The following SHOC1 variants were observed in gnomAD, a reference collection of about 807,000 sequenced individuals.
The protein encoded by SHOC1 is shortage in chiasmata 1.
SHOC1 carries 136 observed loss-of-function variants against 179.2 expected under a neutral mutation model. The observed-to-expected ratio is 0.76, with a 90% CI of 0.66 to 0.87. The LOEUF is 0.87. Among genes scored for constraint, SHOC1 ranks in the 40% least tolerant of loss-of-function variants. SHOC1 has a pLI of 0.00. For missense variants in SHOC1, 1,538 were observed against 1,700.8 expected, an observed-to-expected ratio of 0.90 and a Z score of 1.68; for synonymous variants, 489 against 586.6, an observed-to-expected ratio of 0.83 and a Z score of 2.41.
intron 12 of SHOC1, among the ~76,000 whole-genome samples, chr9:111,731,542 T>A (rs12352855): frequency 0.18 from 27,815 of 152,084 alleles, 2,759 homozygotes; most frequent in Non-Finnish European, 0.22. Context: ...AACACACACA[T>A]TTATCAATTC....
intron 16 of SHOC1, among the ~76,000 whole-genome samples, chr9:111,715,655 C>T (rs1832751809): frequency 6.6e-6 from 1 of 152,158 alleles, no homozygotes; most frequent in South Asian, 2.1e-4. Flanking sequence ...TCAATCTAAC[C>T]ACATGGAACT....
intron 12 of SHOC1, among the ~76,000 whole-genome samples, chr9:111,732,228 T>C (rs1416119949): frequency 4.6e-5 from 7 of 152,130 alleles, no homozygotes; most frequent in African/African-American, 1.7e-4. Flanking sequence ...CTTTGTAATT[T>C]ATAAAAGTAA....
At chr9:111,759,372 T>G in intron 5 of SHOC1, 1 of 1,476,976 alleles carries the variant, frequency 6.8e-7, no homozygotes, top group South Asian at 1.5e-5. Context: ...GCTATAAAAT[T>G]ATTTACAGTG....
rs57810014 is a variant in SHOC1 at position 111,767,038 on chromosome 9, A to AT, written c.443-8191dup. Reference sequence around the variant, plus strand: ...ATATCTTTTGCCCATTTTTAATTGGATTTTTTTTTTTGCTATTCAGTTGTG... The same window carrying AT: ...ATATCTTTTGCCCATTTTTAATTGGATTTTTTTTTTTTGCTATTCAGTTGTG... On this transcript the variant is annotated intron_variant, in intron 5 of 27. Coordinates refer to ENST00000682961, the MANE Select transcript of SHOC1 (RefSeq NM_001378211.1). 5.7e-3 allele frequency among the ~76,000 whole-genome samples: 867 copies of AT among 150,800 alleles called. 7 individuals are homozygous for AT. The highest frequency in any genetic ancestry group is 0.02 in the African/African-American group (813 of 41,156).
intron 12 of SHOC1, among the ~76,000 whole-genome samples, chr9:111,731,744 T>C (rs1833578798): frequency 6.6e-6 from 1 of 152,188 alleles, no homozygotes; most frequent in Non-Finnish European, 1.5e-5. Context: ...TATAATGTAT[T>C]AAATCTATAA....
rs183289887 is a variant in SHOC1 at position 111,700,076 on chromosome 9, A to G, written c.3090-29T>C. 124 of 1,069,490 alleles carry G rather than the reference A, an allele frequency of 1.2e-4. No individual in the cohort carries two copies. The East Asian group carries it at 1.6e-3, about 14-fold the overall frequency. 66.3% of individuals were successfully genotyped at this position (1,069,490 alleles called of 1,614,324 possible). A position where few individuals can be genotyped will look rare whatever the true frequency, so the allele number is the denominator to read the frequency against. Reference sequence around the variant, plus strand: ...CAAAGAATTATATTACTATATTTCTATTCATTTGATATCAGATTATATTTA... The same window carrying G: ...CAAAGAATTATATTACTATATTTCTGTTCATTTGATATCAGATTATATTTA... On this transcript the variant is annotated intron_variant, in intron 23 of 27. Transcript: ENST00000682961.
chr9:111,687,521 C>A (rs1477454291), intron 27 of SHOC1, among the ~76,000 whole-genome samples: 1 of 152,106 alleles, frequency 6.6e-6, no homozygotes, highest in Non-Finnish European at 1.5e-5. Flanking sequence ...TCTCTAAATT[C>A]TCTTCTAACA....
chr9:111,748,743 T>G (rs928421081), intron 8 of SHOC1, among the ~76,000 whole-genome samples: 1 of 51,104 alleles, frequency 2.0e-5, no homozygotes, highest in African/African-American at 8.6e-5. Context: ...TTGCCTGCCT[T>G]CCTTTTTTCC....
chr9:111,771,478 T>C (rs1355452149), intron 5 of SHOC1, among the ~76,000 whole-genome samples: 1 of 152,146 alleles, frequency 6.6e-6, no homozygotes, highest in East Asian at 1.9e-4. Flanking sequence ...TAAAATTAAG[T>C]ATTCATGTAC....
chr9:111,721,037 T>C (rs1833022771), intron 15 of SHOC1, among the ~76,000 whole-genome samples: 1 of 152,230 alleles, frequency 6.6e-6, no homozygotes, highest in Admixed American at 6.5e-5. Context: ...CCTCTTGTGC[T>C]TTATGATGGG....
chr9:111,768,541 C>T (rs552117413), intron 5 of SHOC1, among the ~76,000 whole-genome samples: 5 of 152,160 alleles, frequency 3.3e-5, no homozygotes, highest in African/African-American at 1.2e-4. Context: ...TTGTGTTCTG[C>T]AACTTTACTG....
intron 24 of SHOC1, among the ~76,000 whole-genome samples, chr9:111,697,061 C>T (rs184071169): frequency 2.8e-4 from 43 of 152,238 alleles, no homozygotes; most frequent in Non-Finnish European, 4.7e-4. Flanking sequence ...ATCATTCTTA[C>T]CCATCAGGGT....
intron 10 of SHOC1, 34 bp from the exon 11 acceptor site, chr9:111,741,604 A>G: frequency 9.2e-7 from 1 of 1,089,978 alleles, no homozygotes; most frequent in Non-Finnish European, 1.3e-6. Context: ...ATACATTAAT[A>G]ATATTGAGTC....
intron 27 of SHOC1, among the ~76,000 whole-genome samples, chr9:111,689,534 C>T (rs1180987770): frequency 6.6e-6 from 1 of 151,502 alleles, no homozygotes; most frequent in Non-Finnish European, 1.5e-5. Flanking sequence ...AGGGCTGTGC[C>T]AATATTAATT....
intron 24 of SHOC1, among the ~76,000 whole-genome samples, chr9:111,697,056 T>G (rs1831730375): frequency 6.6e-6 from 1 of 152,196 alleles, no homozygotes; most frequent in Non-Finnish European, 1.5e-5. Flanking sequence ...AGAGCATCAT[T>G]CTTACCCATC....
At chr9:111,725,091 C>T (rs1249775481) in intron 13 of SHOC1, among the ~76,000 whole-genome samples, 2 of 152,018 alleles carry the variant, frequency 1.3e-5, no homozygotes, top group Non-Finnish European at 2.9e-5. Context: ...ATTCCAGAAA[C>T]ACATTACCAT....
chr9:111,728,076 A>G, intron 12 of SHOC1, 27 bp from the exon 13 acceptor site: 3 of 1,480,056 alleles, frequency 2.0e-6, no homozygotes, highest in Non-Finnish European at 2.7e-6. Flanking sequence ...ACAACACACA[A>G]GTAACTTCCA....
intron 25 of SHOC1, 93 bp downstream of exon 25, chr9:111,694,133 GAGACA>G (rs762724849): frequency 7.8e-7 from 1 of 1,283,152 alleles, no homozygotes; most frequent in Non-Finnish European, 1.1e-6. Flanking sequence ...CACTCAATTT[GAGACA>G]TTTGGGGGAA....
chr9:111,738,709 T>G (rs2131487151), intron 11 of SHOC1, among the ~76,000 whole-genome samples, 187 bp from the exon 12 acceptor site: 1 of 152,296 alleles, frequency 6.6e-6, no homozygotes, highest in Middle Eastern at 3.4e-3. Flanking sequence ...AAGTTTAAGC[T>G]ATTGTAGCAG....
Sources: gnomAD v4.1 joint callset for allele counts (sites outside exome capture counted in the v4.1 genomes callset) on GRCh38, gnomAD v4.1.1 for gene constraint, MANE v1.5 for transcripts, NCBI Gene and HGNC (gene_info 2026-07-23, HGNC 2026-07-21) for gene names.